Variants in PLXNA2 observed in about 807,000 individuals in gnomAD.
The protein encoded by PLXNA2 is plexin A2.
Under a neutral mutation model 193.5 loss-of-function variants are expected in PLXNA2, and 91 were observed. That is an observed-to-expected ratio of 0.47 (90% CI 0.40 to 0.56). PLXNA2 has a LOEUF of 0.56. Among genes scored for constraint, PLXNA2 ranks in the 20% least tolerant of loss-of-function variants. PLXNA2 has a pLI of 0.00. For missense variants in PLXNA2, 1,995 were observed against 2,503.2 expected, an observed-to-expected ratio of 0.80 and a Z score of 4.33; for synonymous variants, 997 against 1,027.3, an observed-to-expected ratio of 0.97 and a Z score of 0.56.
At chr1:208,091,472 G>C (rs189967055) in intron 9 of PLXNA2, among the ~76,000 whole-genome samples, 2 of 152,296 alleles carry the variant, frequency 1.3e-5, no homozygotes, top group Admixed American at 6.5e-5. Flanking sequence ...TTTCATGCAT[G>C]CATTCTACAA....
chr1:208,190,422 A>G (rs1355194825), intron 3 of PLXNA2, among the ~76,000 whole-genome samples: 1 of 152,232 alleles, frequency 6.6e-6, no homozygotes, highest in Non-Finnish European at 1.5e-5. Context: ...TTATCTCAAA[A>G]AATATAGTAC....
In PLXNA2 at chr1:208,035,399, GA is replaced by G. The variant is rs929056765; in HGVS notation, c.4765-808del. ...TCTGACCTGGGTCCTATAATGCCTG[GA>G]TCACTTCAAATAGTTTCATCAAAAG... On this transcript the variant is annotated intron_variant, in intron 26 of 31. Transcript: ENST00000367033. 6.9e-4 allele frequency among the ~76,000 whole-genome samples: 105 copies of G among 152,268 alleles called. 1 individual carries two copies. The highest frequency in any genetic ancestry group is 2.5e-3 in the African/African-American group (102 of 41,552).
At chr1:208,136,764 G>A (rs1668313739) in intron 4 of PLXNA2, among the ~76,000 whole-genome samples, 1 of 152,188 alleles carries the variant, frequency 6.6e-6, no homozygotes, top group Non-Finnish European at 1.5e-5. Flanking sequence ...AATGGCAGTT[G>A]GAGGCCACTG....
intron 3 of PLXNA2, among the ~76,000 whole-genome samples, chr1:208,146,240 CT>C (rs1219373327): frequency 6.6e-6 from 1 of 152,172 alleles, no homozygotes; most frequent in Non-Finnish European, 1.5e-5. Flanking sequence ...CTGTTCTTCC[CT>C]GGGGCTTGAT....
At chr1:208,037,570 G>A (rs1664711105) in intron 26 of PLXNA2, among the ~76,000 whole-genome samples, 1 of 152,136 alleles carries the variant, frequency 6.6e-6, no homozygotes, top group South Asian at 2.1e-4. Context: ...TTCCCTTGGT[G>A]TCTCTTATTT....
At chr1:208,113,989 G>A (rs1010360459) in intron 4 of PLXNA2, among the ~76,000 whole-genome samples, 1 of 152,194 alleles carries the variant, frequency 6.6e-6, no homozygotes, top group Non-Finnish European at 1.5e-5. Context: ...CATCTTTGCT[G>A]TTGTTGAATA....
At chr1:208,210,753 T>G (rs1670917379) in intron 2 of PLXNA2, among the ~76,000 whole-genome samples, 1 of 152,226 alleles carries the variant, frequency 6.6e-6, no homozygotes, top group African/African-American at 2.4e-5. Flanking sequence ...TTTGTAAAGC[T>G]AAGTGCCTGA....
rs1666254473 is a variant in PLXNA2 at position 208,079,314 on chromosome 1, G to C, written c.2532C>G (p.Pro844=). 6.2e-7 allele frequency: 1 copy of C among 1,613,116 alleles called. No individual in the cohort carries two copies. Among genetic ancestry groups the C allele is most frequent in the Non-Finnish European group, 8.5e-7 (1 of 1,179,238 alleles). Reference sequence around the variant, plus strand: ...CATTGTGGCTGGACCAGTCGAGCCAGGGGCTGGAAGGGCTGGTACAGTGCT... The same window carrying C: ...CATTGTGGCTGGACCAGTCGAGCCACGGGCTGGAAGGGCTGGTACAGTGCT... ...LHQHCTSPSS[P]WLDWSSHNVK... Residue 844 remains proline, a synonymous_variant, in exon 12 of 32, where the codon CCC becomes CCG. Transcript: ENST00000367033.
chr1:208,110,033 C>T (rs1667411692), intron 4 of PLXNA2, among the ~76,000 whole-genome samples: 1 of 152,220 alleles, frequency 6.6e-6, no homozygotes, highest in South Asian at 2.1e-4. Flanking sequence ...AGATTTTCTG[C>T]CTGGCAGCCT....
chr1:208,142,816 C>T (rs1668495417), intron 3 of PLXNA2, among the ~76,000 whole-genome samples: 1 of 152,234 alleles, frequency 6.6e-6, no homozygotes, highest in Non-Finnish European at 1.5e-5. Context: ...TGCTTATGCA[C>T]ACTCCTTCAT....
intron 9 of PLXNA2, 136 bp from the exon 10 acceptor site, chr1:208,084,716 G>T: frequency 1.3e-6 from 1 of 756,654 alleles, no homozygotes; most frequent in Non-Finnish European, 2.1e-6. Context: ...CGTGGAATGG[G>T]CAGGGAAAAT....
At position 208,119,163 on chromosome 1, in the gene PLXNA2, A is replaced by G. The variant is rs368499375; in HGVS notation, c.1507-15916T>C. Among the ~76,000 whole-genome samples the G allele has an allele frequency of 6.1e-4, 93 of 152,228 alleles. 2 individuals are homozygous for G. In the South Asian group the frequency reaches 0.017, roughly 29 times the overall value. ...AATGCTTCTTTTTTTTTAGAGCAGG[A>G]GAGTGTGCTGAGGTGGCACAGGAGT... On this transcript the variant is annotated intron_variant, in intron 4 of 31. Coordinates refer to ENST00000367033, the MANE Select transcript of PLXNA2 (RefSeq NM_025179.4).
At chr1:208,149,754 C>T (rs1488450772) in intron 3 of PLXNA2, among the ~76,000 whole-genome samples, 1 of 152,020 alleles carries the variant, frequency 6.6e-6, no homozygotes, top group South Asian at 2.1e-4. Context: ...CTTCATGACC[C>T]GAATTATTTA....
chr1:208,230,086 A>G (rs1033555631), intron 1 of PLXNA2: 2 of 152,204 alleles, frequency 1.3e-5, no homozygotes, highest in African/African-American at 2.4e-5. Flanking sequence ...AATGGATGTG[A>G]AATTGTTTTG....
chr1:208,098,581 G>A (rs1666993301), intron 6 of PLXNA2, among the ~76,000 whole-genome samples: 2 of 152,102 alleles, frequency 1.3e-5, no homozygotes, highest in South Asian at 4.2e-4. Flanking sequence ...GTATTGGACT[G>A]CATTATGTTG....
chr1:208,073,172 C>G (rs1666027667), intron 12 of PLXNA2, among the ~76,000 whole-genome samples: 1 of 152,188 alleles, frequency 6.6e-6, no homozygotes, highest in East Asian at 1.9e-4. Flanking sequence ...TAAAGAGAAG[C>G]AATTATCATG....
intron 4 of PLXNA2, among the ~76,000 whole-genome samples, chr1:208,141,137 T>C (rs1668445002): frequency 6.6e-6 from 1 of 152,214 alleles, no homozygotes. Context: ...TGGATATAAT[T>C]GGCATGCAAT....
At chr1:208,224,209 A>T (rs933388252) in intron 1 of PLXNA2, among the ~76,000 whole-genome samples, 1 of 152,176 alleles carries the variant, frequency 6.6e-6, no homozygotes, top group Admixed American at 6.5e-5. Context: ...GAAAGGAGTT[A>T]TCTGGTATTT....
rs1668479002 is a variant in PLXNA2, at chr1:208,142,273, CAG to C, written c.1506+54_1506+55del. On this transcript the variant is annotated intron_variant, in intron 4 of 31. Transcript: ENST00000367033. ...CTGAACAGTTTCTGAACAAAGGTGACAGATTATCAGCAGTTTCTTGGAGTTTG... is the reference window on the plus strand; with the variant it reads ...CTGAACAGTTTCTGAACAAAGGTGACATTATCAGCAGTTTCTTGGAGTTTG... 5.2e-6 allele frequency: 8 copies of C among 1,527,194 alleles called. No homozygotes were observed. In the Admixed American group the frequency reaches 1.6e-4, roughly 31 times the overall value. The allele number at this position is 1,527,194 out of a possible 1,614,324, so 94.6% of individuals were successfully genotyped here.
Sources: allele counts gnomAD v4.1 joint callset (sites outside exome capture counted in the v4.1 genomes callset), GRCh38; gene constraint gnomAD v4.1.1; transcripts MANE v1.5; gene names NCBI Gene and HGNC (gene_info 2026-07-23, HGNC 2026-07-21).